FRMPD1: variants seen among roughly 807,000 people sequenced by gnomAD.
FRMPD1 encodes FERM and PDZ domain-containing protein 1.
Under a neutral mutation model 117.8 loss-of-function variants are expected in FRMPD1, and 76 were observed. The ratio of observed to expected loss-of-function variants is 0.65; its 90% CI spans 0.54 to 0.78. The LOEUF is 0.78. FRMPD1 is among the 30% of genes least tolerant of loss of function. The pLI, the probability that FRMPD1 is intolerant of heterozygous loss-of-function variation, is 0.00. For synonymous variants in FRMPD1, 783 were observed against 770.4 expected (o/e 1.02, Z -0.27); for missense variants, 1,786 against 1,964.5 (o/e 0.91, Z 1.72).
At chr9:37,713,453 C>T (rs1822984940) in intron 5 of FRMPD1, among the ~76,000 whole-genome samples, 2 of 151,902 alleles carry the variant, frequency 1.3e-5, no homozygotes, top group South Asian at 2.1e-4. Context: ...TCTACAAACA[C>T]AAAAACAAAA....
intron 2 of FRMPD1, among the ~76,000 whole-genome samples, chr9:37,701,579 A>G (rs954059344): frequency 6.6e-6 from 1 of 151,540 alleles, no homozygotes; most frequent in Non-Finnish European, 1.5e-5. Context: ...CAGAGGGAAG[A>G]GCTTGTCCAA....
At chr9:37,719,991 T>G (rs962163889) in intron 6 of FRMPD1, among the ~76,000 whole-genome samples, 1 of 152,202 alleles carries the variant, frequency 6.6e-6, no homozygotes, top group Non-Finnish European at 1.5e-5. Flanking sequence ...TTGAAACTTG[T>G]CCTTTTCTGG....
At chr9:37,655,785 G>A (rs1450949532) in intron 1 of FRMPD1, among the ~76,000 whole-genome samples, 2 of 152,022 alleles carry the variant, frequency 1.3e-5, no homozygotes, top group African/African-American at 4.8e-5. Context: ...TTACAGGCAT[G>A]AGTCCCCGTG....
intron 15 of FRMPD1, among the ~76,000 whole-genome samples, chr9:37,742,912 C>CA (rs1824490031): frequency 6.6e-6 from 1 of 151,928 alleles, no homozygotes; most frequent in Admixed American, 6.6e-5. Flanking sequence ...AAACAAAAAA[C>CA]AAAAAAACCT....
chr9:37,608,180 T>G, the FRMPD1 span, among the ~76,000 whole-genome samples: 1 of 152,254 alleles, frequency 6.6e-6, no homozygotes, highest in Non-Finnish European at 1.5e-5. Flanking sequence ...CCTGATAAAC[T>G]GCCTCATTCT....
chr9:37,706,594 C>T lies in FRMPD1; in HGVS notation c.102-822C>T, dbSNP rs561810703. Among the ~76,000 whole-genome samples the T allele has an allele frequency of 2.0e-5, 3 of 152,260 alleles. No individual in the cohort carries two copies. The East Asian group carries it at 5.8e-4, about 29-fold the overall frequency. On this transcript the variant is annotated intron_variant, in intron 2 of 15. Coordinates refer to ENST00000377765, the MANE Select transcript of FRMPD1 (RefSeq NM_014907.3). ...GGTGAATGACAAATAACTTGTGACT[C>T]GCTTTGTGGTTTCTCTCTTTGAGAG...
chr9:37,655,814 A>T (rs1820825968), intron 1 of FRMPD1, among the ~76,000 whole-genome samples: 1 of 151,796 alleles, frequency 6.6e-6, no homozygotes, highest in Non-Finnish European at 1.5e-5. Flanking sequence ...CCCAACTCTT[A>T]ATCCCCCTAG....
At chr9:37,611,840 C>A in the FRMPD1 span, among the ~76,000 whole-genome samples, 1 of 152,134 alleles carries the variant, frequency 6.6e-6, no homozygotes, top group African/African-American at 2.4e-5. Flanking sequence ...CTTCTGTATT[C>A]TTTTTTTCCC....
chr9:37,666,524 G>A (rs1270051619), intron 1 of FRMPD1, among the ~76,000 whole-genome samples: 2 of 151,952 alleles, frequency 1.3e-5, no homozygotes, highest in African/African-American at 4.8e-5. Context: ...CCCTTCCCCT[G>A]GTGTGCCCCC....
chr9:37,738,602 G>C (rs1399092166), intron 14 of FRMPD1, among the ~76,000 whole-genome samples: 1 of 152,136 alleles, frequency 6.6e-6, no homozygotes, highest in Non-Finnish European at 1.5e-5. Context: ...GCCTCCCAAA[G>C]TGCTGAGATT....
At chr9:37,717,936 C>T (rs1823223831) in intron 5 of FRMPD1, among the ~76,000 whole-genome samples, 1 of 152,170 alleles carries the variant, frequency 6.6e-6, no homozygotes, top group Non-Finnish European at 1.5e-5. Context: ...CTTTTTCTTT[C>T]TCTTATTCCT....
chr9:37,694,073 G>A (rs7028875), intron 2 of FRMPD1, among the ~76,000 whole-genome samples: 52,533 of 152,096 alleles, frequency 0.35, 9,720 homozygotes, highest in Non-Finnish European at 0.43. Context: ...CTATGGCCCA[G>A]AAGTGATTGT....
chr9:37,641,249 G>A, the FRMPD1 span, among the ~76,000 whole-genome samples: 4 of 151,864 alleles, frequency 2.6e-5, no homozygotes, highest in South Asian at 2.1e-4. Flanking sequence ...AAGAATGAAG[G>A]GAAAAAAGGA....
the FRMPD1 span, among the ~76,000 whole-genome samples, chr9:37,626,844 T>C: frequency 1.3e-5 from 2 of 151,870 alleles, no homozygotes; most frequent in African/African-American, 4.8e-5. Flanking sequence ...TACTGAATCA[T>C]TATCTTTGGG....
the FRMPD1 span, chr9:37,636,778 C>T: frequency 5.7e-5 from 92 of 1,609,334 alleles, no homozygotes; most frequent in Non-Finnish European, 2.0e-5. Context: ...CGGGCCCCAT[C>T]TGCTTTTTGA....
At chr9:37,738,964 G>C (rs1470438182) in intron 14 of FRMPD1, among the ~76,000 whole-genome samples, 2 of 152,194 alleles carry the variant, frequency 1.3e-5, no homozygotes, top group Non-Finnish European at 2.9e-5. Flanking sequence ...TGCCATGGGG[G>C]ACTGGGTGCC....
chr9:37,696,407 T>C (rs529921078), intron 2 of FRMPD1, among the ~76,000 whole-genome samples: 2 of 152,318 alleles, frequency 1.3e-5, no homozygotes, highest in South Asian at 2.1e-4. Flanking sequence ...CTGACTGTTT[T>C]GTTTCACAAA....
Position 37,745,859 on chromosome 9 carries a change from T to C in FRMPD1, c.3827T>C (p.Leu1276Ser). ...DPHLETSNHC[L>S]LSEGKSDSSS... ...CACTTAGAAACTTCAAACCATTGCT[T>C]ACTCTCAGAAGGCAAAAGTGACAGC... Residue 1276 changes from leucine (L) to serine (S), a missense_variant, in exon 16 of 16, where the codon TTA (leucine) becomes TCA (serine). Coordinates refer to ENST00000377765, the MANE Select transcript of FRMPD1 (RefSeq NM_014907.3). 6.2e-7 allele frequency: 1 copy of C among 1,614,232 alleles called. No individual in the cohort carries two copies. The highest frequency in any genetic ancestry group is 8.5e-7 in the Non-Finnish European group (1 of 1,180,040).
the FRMPD1 span, among the ~76,000 whole-genome samples, chr9:37,623,538 A>G: frequency 6.6e-6 from 1 of 152,198 alleles, no homozygotes; most frequent in Non-Finnish European, 1.5e-5. Flanking sequence ...TGAAGATTAT[A>G]CATTTTGGCA....
Sources: gnomAD v4.1 joint callset for allele counts (sites outside exome capture counted in the v4.1 genomes callset) on GRCh38, gnomAD v4.1.1 for gene constraint, MANE v1.5 for transcripts, NCBI Gene and HGNC (gene_info 2026-07-23, HGNC 2026-07-21) for gene names.